Variants in SYNE3 observed in about 807,000 individuals in gnomAD.
SYNE3 encodes the protein spectrin repeat containing nuclear envelope family member 3, also known as nesprin-3.
In SYNE3, 100 loss-of-function variants were observed where a neutral mutation model predicts 111.2. The observed-to-expected ratio is 0.90, with a 90% CI of 0.77 to 1.06. The LOEUF (loss-of-function observed/expected upper bound fraction) is 1.06. Ranked by LOEUF, SYNE3 falls within the 50% of genes least tolerant of loss-of-function variation. The pLI, the probability that SYNE3 is intolerant of heterozygous loss-of-function variation, is 0.00. For synonymous variants in SYNE3, 547 were observed against 533.9 expected, an observed-to-expected ratio of 1.02 and a Z score of -0.34; for missense variants, 1,160 against 1,240.3, an observed-to-expected ratio of 0.94 and a Z score of 0.97.
At chr14:95,494,390 T>C (rs1449447298) in intron 1 of SYNE3, among the ~76,000 whole-genome samples, 2 of 152,080 alleles carry the variant, frequency 1.3e-5, no homozygotes, top group Non-Finnish European at 2.9e-5. Context: ...CTGAATAAGA[T>C]GAGAAGTGGG....
intron 6 of SYNE3, among the ~76,000 whole-genome samples, chr14:95,454,608 G>A (rs759318433): frequency 6.6e-6 from 1 of 152,224 alleles, no homozygotes; most frequent in African/African-American, 2.4e-5. Flanking sequence ...CTACAAGATC[G>A]AATGAGAAGA....
chr14:95,432,397 G>A (rs1566959040), intron 16 of SYNE3, among the ~76,000 whole-genome samples: 1 of 152,106 alleles, frequency 6.6e-6, no homozygotes, highest in Admixed American at 6.5e-5. Flanking sequence ...CCTAGTGGCC[G>A]TCTCGGCTGC....
chr14:95,408,700 C>CT lies in SYNE3; in HGVS notation c.*9125_*9126insA. 5.6e-6 allele frequency: 1 copy of CT among 177,488 alleles called. No homozygotes were observed. Among genetic ancestry groups the CT allele is most frequent in the Admixed American group, 6.1e-5 (1 of 16,330 alleles). The allele number at this position is 177,488 out of a possible 1,614,324, so 11.0% of individuals were successfully genotyped here. A position where few individuals can be genotyped will look rare whatever the true frequency, so the allele number is the denominator to read the frequency against. On this transcript the variant is annotated 3_prime_UTR_variant, in exon 18 of 18. Coordinates refer to ENST00000682763, the MANE Select transcript of SYNE3 (RefSeq NM_152592.6). ...TATGCTCACATACGCGTGCATCCCTCCCACCCTGCCCACCCCTTCACATGC... is the reference window on the plus strand; with the variant it reads ...TATGCTCACATACGCGTGCATCCCTCTCCACCCTGCCCACCCCTTCACATGC...
At chr14:95,489,316 T>C (rs955904418) in intron 1 of SYNE3, among the ~76,000 whole-genome samples, 10 of 152,210 alleles carry the variant, frequency 6.6e-5, no homozygotes, top group Non-Finnish European at 1.3e-4. Context: ...GTGTAGGGCC[T>C]GGAATTTCTG....
At position 95,416,934 on chromosome 14, in the gene SYNE3, A is replaced by T. The variant is rs1903599682; in HGVS notation, c.*892T>A. 6.6e-6 allele frequency: 1 copy of T among 152,176 alleles called. No homozygotes were observed. Among genetic ancestry groups the T allele is most frequent in the African/African-American group, 2.4e-5 (1 of 41,416 alleles). The allele number at this position is 152,176 out of a possible 1,614,324, so 9.4% of individuals were successfully genotyped here. ...GGGTGCTGCCCACCGAGTGTGCCTC[A>T]CCATTCTGCATGGAAATCTTAAAAA... is the stretch of plus-strand genomic sequence containing the variant. On this transcript the variant is annotated 3_prime_UTR_variant, in exon 18 of 18. Transcript: ENST00000682763.
intron 1 of SYNE3, among the ~76,000 whole-genome samples, chr14:95,486,594 A>G (rs895765405): frequency 3.9e-5 from 6 of 152,056 alleles, no homozygotes; most frequent in African/African-American, 1.4e-4. Flanking sequence ...ATGACCACAC[A>G]CACGTCACCA....
intron 1 of SYNE3, among the ~76,000 whole-genome samples, chr14:95,488,621 A>G (rs539814175): frequency 7.5e-6 from 1 of 133,078 alleles, no homozygotes; most frequent in South Asian, 2.6e-4. Flanking sequence ...TGAGCCCAGG[A>G]GTTTGAGATG....
intron 2 of SYNE3, among the ~76,000 whole-genome samples, chr14:95,468,375 A>G (rs887988430): frequency 3.9e-5 from 6 of 152,232 alleles, no homozygotes; most frequent in African/African-American, 1.4e-4. Context: ...TTCAGTGTGC[A>G]GCGTGAGCAT....
At chr14:95,472,734 A>G (rs1215937557) in intron 2 of SYNE3, among the ~76,000 whole-genome samples, 1 of 152,142 alleles carries the variant, frequency 6.6e-6, no homozygotes, top group African/African-American at 2.4e-5. Context: ...CAAGCTCTCA[A>G]CCCAGGAGCG....
In SYNE3 at chr14:95,500,112, G is replaced by A. The variant is rs1349239156; in HGVS notation, c.-15+16484C>T. On this transcript the variant is annotated intron_variant, in intron 1 of 17. Transcript: ENST00000682763. This position sits in a 1 kb window ranked among gnomAD's most constrained non-coding sequence, Gnocchi z 4.7. Reference sequence around the variant, plus strand: ...TGACCTCAGGTGATCCACCCGCCTCGGCCTCCCAAAGTGCTGGGATTAAAG... The same window carrying A: ...TGACCTCAGGTGATCCACCCGCCTCAGCCTCCCAAAGTGCTGGGATTAAAG... Among the ~76,000 whole-genome samples, 3 of 151,796 alleles carry A rather than the reference G, an allele frequency of 2.0e-5. No individual in the cohort carries two copies. Among genetic ancestry groups the A allele is most frequent in the Non-Finnish European group, 4.4e-5 (3 of 67,950 alleles).
intron 1 of SYNE3, chr14:95,516,063 C>A (rs1890913424): frequency 1.3e-5 from 2 of 152,348 alleles, no homozygotes; most frequent in Non-Finnish European, 2.9e-5. Flanking sequence ...GAGCTGCTTG[C>A]CAAGTTTGCA....
chr14:95,512,935 C>T (rs1224914295), intron 1 of SYNE3, among the ~76,000 whole-genome samples: 1 of 152,126 alleles, frequency 6.6e-6, no homozygotes, highest in Non-Finnish European at 1.5e-5. Context: ...AGAAACAGAA[C>T]ATAATGGATC....
intron 1 of SYNE3, among the ~76,000 whole-genome samples, chr14:95,478,606 A>G (rs1373846952): frequency 6.6e-6 from 1 of 151,884 alleles, no homozygotes; most frequent in Non-Finnish European, 1.5e-5. Context: ...GGCGCTGGTC[A>G]CTCCCTGAAC....
chr14:95,464,228 C>T (rs765796309), intron 4 of SYNE3, among the ~76,000 whole-genome samples: 1 of 152,214 alleles, frequency 6.6e-6, no homozygotes, highest in Non-Finnish European at 1.5e-5. Context: ...TGCAGACCCA[C>T]GTCACACCAA....
At chr14:95,453,318 G>A (rs1050464282) in intron 6 of SYNE3, among the ~76,000 whole-genome samples, 15 of 152,218 alleles carry the variant, frequency 9.9e-5, no homozygotes, top group South Asian at 4.2e-4. Context: ...TGACCATACC[G>A]ACCTCTGACC....
chr14:95,479,453 G>A (rs547629037), intron 1 of SYNE3, among the ~76,000 whole-genome samples: 18 of 152,304 alleles, frequency 1.2e-4, no homozygotes, highest in African/African-American at 3.9e-4. Flanking sequence ...ACGCACAGGT[G>A]TTGGGTGGAG....
intron 6 of SYNE3, among the ~76,000 whole-genome samples, chr14:95,455,134 G>A (rs1692859486): frequency 6.6e-6 from 1 of 152,184 alleles, no homozygotes; most frequent in African/African-American, 2.4e-5. Context: ...GACCTACCAT[G>A]TGACTCTAGG....
chr14:95,412,601 G>A lies in SYNE3; in HGVS notation c.*5225C>T, dbSNP rs1039323190. 2.6e-5 allele frequency: 4 copies of A among 152,228 alleles called. No individual in the cohort carries two copies. The highest frequency in any genetic ancestry group is 9.7e-5 in the African/African-American group (4 of 41,448). 9.4% of individuals were successfully genotyped at this position (152,228 alleles called of 1,614,324 possible). ...GAAGGCAGGGCCAGTGAGCACCTGGGTTTTATTTTTTTAGAGGCCACAGCT... is the reference window on the plus strand; with the variant it reads ...GAAGGCAGGGCCAGTGAGCACCTGGATTTTATTTTTTTAGAGGCCACAGCT... On this transcript the variant is annotated 3_prime_UTR_variant, in exon 18 of 18. Transcript: ENST00000682763.
Position 95,433,260 on chromosome 14 carries a change from C to A in SYNE3, c.2688G>T (p.Leu896=). Residue 896 remains leucine (L), a splice_region_variant and synonymous_variant, in exon 16 of 18, where the codon CTG becomes CTT. Coordinates refer to ENST00000682763, the MANE Select transcript of SYNE3 (RefSeq NM_152592.6). The part of the protein sequence containing the change: ...KSKLKDSGHL[L]TQSSPGEPTG... ...GGACCTGCACATCCTTGGCACCTACCAGCAGGTGGCCAGAGTCCTTCAGCT... is the reference window on the plus strand; with the variant it reads ...GGACCTGCACATCCTTGGCACCTACAAGCAGGTGGCCAGAGTCCTTCAGCT... 6.2e-7 allele frequency: 1 copy of A among 1,613,362 alleles called. No homozygotes were observed. The highest frequency in any genetic ancestry group is 2.2e-5 in the East Asian group (1 of 44,876).
Sources: allele counts gnomAD v4.1 joint callset (sites outside exome capture counted in the v4.1 genomes callset), GRCh38; gene constraint gnomAD v4.1.1; non-coding constraint Gnocchi (gnomAD v3.1); transcripts MANE v1.5; gene names NCBI Gene and HGNC (gene_info 2026-07-23, HGNC 2026-07-21).